XIRP2: variants seen among roughly 807,000 people sequenced by gnomAD.
The protein encoded by XIRP2 is xin actin-binding repeat-containing protein 2.
A neutral mutation model predicts 277.0 loss-of-function variants in XIRP2; 236 were observed. That is an observed-to-expected ratio of 0.85 (90% CI 0.77 to 0.95). The LOEUF (loss-of-function observed/expected upper bound fraction) is 0.95. Among genes scored for constraint, XIRP2 ranks in the 40% least tolerant of loss-of-function variants. The pLI is 0.00. For missense variants in XIRP2, 4,640 were observed against 4,157.5 expected (o/e 1.12, Z -3.19); for synonymous variants, 1,490 against 1,416.5 (o/e 1.05, Z -1.17).
At position 167,249,863 on chromosome 2, in the gene XIRP2, G is replaced by C. The variant is rs1478655345; in HGVS notation, c.8471G>C (p.Gly2824Ala). Residue 2824 changes from glycine to alanine, a missense_variant, in exon 9 of 11, where the codon GGA becomes GCA. Physicochemically the swap from Gly to Ala is moderately conservative, Grantham distance 60. Coordinates refer to ENST00000409195, the MANE Select transcript of XIRP2 (RefSeq NM_152381.6). ...CCAGGAAGTGAAGAAAAAAATCAGGGACCATCAATGATTGGTCGAAAAGAA... is the reference window on the plus strand; with the variant it reads ...CCAGGAAGTGAAGAAAAAAATCAGGCACCATCAATGATTGGTCGAAAAGAA... ...KLPGSEEKNQ[G>A]PSMIGRKEER... 1.2e-6 allele frequency: 2 copies of C among 1,613,352 alleles called. No homozygotes were observed. The highest frequency in any genetic ancestry group is 1.1e-5 in the South Asian group (1 of 91,060).
At chr2:166,981,122 T>A (rs1019101197) in intron 2 of XIRP2, among the ~76,000 whole-genome samples, 2 of 151,084 alleles carry the variant, frequency 1.3e-5, no homozygotes, top group African/African-American at 2.4e-5. Flanking sequence ...ACTATTTGCT[T>A]TAATTAGTGT....
rs1258770282 is a variant in XIRP2, at chr2:166,928,829, T to G, written c.408+24939T>G. ...TCAAAACTCACCTTGGTGTCCCCACTGCCTATCAGGGTGATAGGCACAGGA... is the reference window on the plus strand; with the variant it reads ...TCAAAACTCACCTTGGTGTCCCCACGGCCTATCAGGGTGATAGGCACAGGA... On this transcript the variant is annotated intron_variant, in intron 2 of 10. Transcript: ENST00000409195. 2.0e-5 allele frequency among the ~76,000 whole-genome samples: 3 copies of G among 152,204 alleles called. No individual in the cohort carries two copies. In the East Asian group the frequency reaches 5.8e-4, roughly 29 times the overall value.
intron 3 of XIRP2, among the ~76,000 whole-genome samples, chr2:167,181,246 T>C (rs1346616704): frequency 6.6e-6 from 1 of 152,164 alleles, no homozygotes; most frequent in Admixed American, 6.5e-5. Flanking sequence ...CCCACCTAGT[T>C]TTGGTCAAAG....
intron 2 of XIRP2, among the ~76,000 whole-genome samples, chr2:166,985,035 T>C (rs1686965583): frequency 6.6e-6 from 1 of 152,388 alleles, no homozygotes; most frequent in Non-Finnish European, 1.5e-5. Flanking sequence ...TTATGTGTCA[T>C]GTAGTCTTTG....
chr2:167,038,624 A>T (rs1157064922), intron 2 of XIRP2, among the ~76,000 whole-genome samples: 1 of 151,772 alleles, frequency 6.6e-6, no homozygotes, highest in African/African-American at 2.4e-5. Context: ...CTCTTATACA[A>T]ATAGTAAACC....
In XIRP2 at chr2:167,248,779, C is replaced by T; in HGVS notation, c.7387C>T (p.Gln2463Ter). 1 of 1,613,576 alleles carries T rather than the reference C, an allele frequency of 6.2e-7. No homozygotes were observed. The highest frequency in any genetic ancestry group is 1.7e-4 in the Middle Eastern group (1 of 6,054). The change falls in exon 9 of 11, where the codon CAG becomes TAG. Residue 2463 changes from glutamine (Q) to a stop codon, truncating the protein, a stop_gained. Transcript: ENST00000409195. LOFTEE classifies it high-confidence loss of function. ...MECKITTSKD[Q>*]KKVMVMTSSE... ...ATGTAAAATTACTACCTCAAAGGAT[C>T]AGAAAAAAGTAATGGTGATGACCAG... is the stretch of plus-strand genomic sequence containing the variant.
intron 2 of XIRP2, among the ~76,000 whole-genome samples, chr2:167,036,794 A>G (rs989199987): frequency 2.0e-5 from 3 of 152,048 alleles, no homozygotes; most frequent in Admixed American, 6.6e-5. Context: ...GAATTCCTGC[A>G]TGTTGTGGAA....
At chr2:167,222,782 G>T (rs1215600355) in intron 5 of XIRP2, among the ~76,000 whole-genome samples, 1 of 152,144 alleles carries the variant, frequency 6.6e-6, no homozygotes, top group East Asian at 1.9e-4. Flanking sequence ...ATGTAAAATT[G>T]CCATTGCCTC....
chr2:166,975,187 T>C (rs1361489837), intron 2 of XIRP2, among the ~76,000 whole-genome samples: 1 of 152,090 alleles, frequency 6.6e-6, no homozygotes, highest in East Asian at 1.9e-4. Flanking sequence ...GATAAATAGA[T>C]CTACAACAGT....
At chr2:166,896,595 G>A (rs1476365696) in intron 1 of XIRP2, among the ~76,000 whole-genome samples, 1 of 151,910 alleles carries the variant, frequency 6.6e-6, no homozygotes, top group Non-Finnish European at 1.5e-5. Flanking sequence ...TTAAGAAAGA[G>A]TCAAAAAGTT....
chr2:167,160,108 A>C (rs1304228330), intron 3 of XIRP2, among the ~76,000 whole-genome samples: 1 of 152,218 alleles, frequency 6.6e-6, no homozygotes, highest in African/African-American at 2.4e-5. Flanking sequence ...CTGGCCCTGA[A>C]GTTCATCTAC....
At chr2:167,016,564 T>C (rs957816839) in intron 2 of XIRP2, among the ~76,000 whole-genome samples, 12 of 152,000 alleles carry the variant, frequency 7.9e-5, no homozygotes, top group Non-Finnish European at 4.4e-5. Context: ...ACACAAAAGA[T>C]TGACTTATTC....
intron 4 of XIRP2, among the ~76,000 whole-genome samples, chr2:167,215,286 T>C (rs2105396570): frequency 6.6e-6 from 1 of 152,308 alleles, no homozygotes; most frequent in Admixed American, 6.5e-5. Context: ...ATTTAAAGTT[T>C]GTTGCAGAAT....
intron 2 of XIRP2, among the ~76,000 whole-genome samples, chr2:167,095,690 T>TTAAAGTGC (rs1170737953): frequency 6.6e-6 from 1 of 152,012 alleles, no homozygotes; most frequent in Non-Finnish European, 1.5e-5. Flanking sequence ...GATAAGATTT[T>TTAAAGTGC]TAAAGTGCTG....
chr2:167,251,590 A>G lies in XIRP2; in HGVS notation c.10198A>G (p.Lys3400Glu), dbSNP rs1448971331. 8 of 1,613,470 alleles carry G rather than the reference A, an allele frequency of 5.0e-6. No homozygotes were observed. The highest frequency in any genetic ancestry group is 6.8e-6 in the Non-Finnish European group (8 of 1,179,672). ...CAAACATCCTAGAGAACTGCGAGAA[A>G]AGATTCCTGTTAAGCAGCCCAGGAT... ...SCKHPRELRE[K>E]IPVKQPRICS... The change falls in exon 9 of 11, where the codon AAG becomes GAG. Residue 3400 changes from lysine (K) to glutamate (E), a missense_variant. By Grantham distance (56) the Lys-to-Glu change is moderately conservative. Coordinates refer to ENST00000409195, the MANE Select transcript of XIRP2 (RefSeq NM_152381.6).
intron 3 of XIRP2, among the ~76,000 whole-genome samples, chr2:167,153,325 C>T (rs1259700503): frequency 2.6e-5 from 4 of 152,000 alleles, no homozygotes; most frequent in African/African-American, 9.7e-5. Context: ...AGTTACTTAA[C>T]CACTTTAAGC....
intron 3 of XIRP2, among the ~76,000 whole-genome samples, chr2:167,190,276 C>G (rs543551934): frequency 6.6e-6 from 1 of 152,258 alleles, no homozygotes; most frequent in East Asian, 1.9e-4. Context: ...ATCTCCACCT[C>G]TCTGTTCTTT....
chr2:166,912,715 T>C (rs945077278), intron 2 of XIRP2, among the ~76,000 whole-genome samples: 5 of 152,170 alleles, frequency 3.3e-5, no homozygotes, highest in African/African-American at 1.2e-4. Flanking sequence ...TTTTCTGCTG[T>C]TTTTTCCCCA....
rs1315880319 is a variant in XIRP2 at position 167,113,013 on chromosome 2, CT to C, written c.409-22888del. Among the ~76,000 whole-genome samples the C allele has an allele frequency of 5.9e-5, 9 of 151,788 alleles. No individual in the cohort carries two copies. In the East Asian group the frequency reaches 9.7e-4, roughly 16 times the overall value. On this transcript the variant is annotated intron_variant, in intron 2 of 10. Coordinates refer to ENST00000409195, the MANE Select transcript of XIRP2 (RefSeq NM_152381.6). ...GAGTTTGGTTGGTATGATTTTGGTT[CT>C]TTTTTTTAATTTGCTGAGCATTGTT...
Sources: allele counts gnomAD v4.1 joint callset (sites outside exome capture counted in the v4.1 genomes callset), GRCh38; gene constraint gnomAD v4.1.1; transcripts MANE v1.5; gene names NCBI Gene and HGNC (gene_info 2026-07-23, HGNC 2026-07-21).